Variants in AIG1 observed in about 807,000 individuals in gnomAD.
AIG1 encodes the protein androgen-induced gene 1 protein.
Under a neutral mutation model 31.4 loss-of-function variants are expected in AIG1, and 23 were observed. That is an observed-to-expected ratio of 0.73 (90% CI 0.53 to 1.04). AIG1 has a LOEUF of 1.04. Ranked by LOEUF, AIG1 falls within the 50% of genes least tolerant of loss-of-function variation. AIG1 has a pLI of 0.00. For synonymous variants in AIG1, 100 were observed against 110.5 expected, an observed-to-expected ratio of 0.90 and a Z score of 0.60; for missense variants, 274 against 295.0, an observed-to-expected ratio of 0.93 and a Z score of 0.52.
chr6:143,134,456 T>C (rs1430588456), intron 1 of AIG1, among the ~76,000 whole-genome samples: 1 of 151,668 alleles, frequency 6.6e-6, no homozygotes, highest in Non-Finnish European at 1.5e-5. Context: ...TATATTGGTT[T>C]AGATTTCCAT....
chr6:143,073,603 T>G (rs1777484097), intron 1 of AIG1, among the ~76,000 whole-genome samples: 1 of 152,166 alleles, frequency 6.6e-6, no homozygotes, highest in African/African-American at 2.4e-5. Context: ...TCATAGTGGT[T>G]TTGGTTTTCA....
intron 1 of AIG1, among the ~76,000 whole-genome samples, chr6:143,112,294 A>G (rs979332088): frequency 2.6e-5 from 4 of 152,124 alleles, no homozygotes; most frequent in African/African-American, 4.8e-5. Flanking sequence ...TTTCTTACTC[A>G]TTCTCCAAAA....
At chr6:143,289,176 T>A (rs1797887959) in intron 4 of AIG1, among the ~76,000 whole-genome samples, 1 of 152,164 alleles carries the variant, frequency 6.6e-6, no homozygotes, top group Non-Finnish European at 1.5e-5. Flanking sequence ...TCTCTACAAA[T>A]GCAAAGATCC....
chr6:143,150,736 GA>G (rs1244953395), intron 2 of AIG1, among the ~76,000 whole-genome samples: 12 of 152,072 alleles, frequency 7.9e-5, no homozygotes, highest in Admixed American at 3.9e-4. Context: ...GCTCATGGGG[GA>G]AAAAAATCAC....
intron 4 of AIG1, among the ~76,000 whole-genome samples, chr6:143,314,295 G>A (rs572399774): frequency 1.3e-5 from 2 of 151,548 alleles, no homozygotes; most frequent in East Asian, 3.9e-4. Flanking sequence ...GAGCCCAGGA[G>A]TTGAGCTATG....
At chr6:143,261,634 T>C (rs1225477567) in intron 3 of AIG1, among the ~76,000 whole-genome samples, 2 of 151,972 alleles carry the variant, frequency 1.3e-5, no homozygotes, top group African/African-American at 4.8e-5. Flanking sequence ...CTCTATGCAA[T>C]TTTTTTTAAT....
At chr6:143,160,504 T>G (rs1433108795) in intron 2 of AIG1, among the ~76,000 whole-genome samples, 1 of 152,212 alleles carries the variant, frequency 6.6e-6, no homozygotes, top group Non-Finnish European at 1.5e-5. Context: ...GTGACTGTGC[T>G]CCTTCCACTC....
chr6:143,218,624 C>T (rs140969442), intron 3 of AIG1, among the ~76,000 whole-genome samples: 3 of 152,228 alleles, frequency 2.0e-5, no homozygotes, highest in Admixed American at 2.0e-4. Context: ...GTATCCTCCA[C>T]CACAAAAACT....
At chr6:143,341,789 G>A (rs1031890629), downstream of AIG1, among the ~76,000 whole-genome samples, 1 of 152,188 alleles carries the variant, frequency 6.6e-6, no homozygotes, top group African/African-American at 2.4e-5. Flanking sequence ...GTGTACAAAC[G>A]ATGGATGAAT....
rs143185452 is a variant in AIG1, at chr6:143,340,897, T to C, written c.*1221T>C. 3.0e-3 allele frequency among the ~76,000 whole-genome samples: 456 copies of C among 152,084 alleles called. 4 individuals are homozygous for C. The highest frequency in any genetic ancestry group is 0.01 in the African/African-American group (423 of 41,484). On this transcript the variant is annotated 3_prime_UTR_variant, in exon 6 of 6. Coordinates refer to ENST00000357847, the MANE Select transcript of AIG1 (RefSeq NM_016108.4). The stretch of plus-strand genomic sequence containing the variant: ...ATTGATTGCCCAATGTTGAGAGAGA[T>C]CAACAAATGATATAAAACCATTCAC...
chr6:143,321,533 G>T (rs982307770), intron 4 of AIG1, among the ~76,000 whole-genome samples: 2 of 152,030 alleles, frequency 1.3e-5, no homozygotes, highest in Non-Finnish European at 2.9e-5. Context: ...GGGAGGCAAA[G>T]GTTGCAGTGA....
At chr6:143,178,980 A>T (rs148310967) in intron 3 of AIG1, among the ~76,000 whole-genome samples, 1 of 152,158 alleles carries the variant, frequency 6.6e-6, no homozygotes, top group African/African-American at 2.4e-5. Context: ...CATAGGGCCC[A>T]TATAGGAGCT....
At chr6:143,281,831 A>G (rs1797358683) in intron 3 of AIG1, among the ~76,000 whole-genome samples, 1 of 152,214 alleles carries the variant, frequency 6.6e-6, no homozygotes, top group Non-Finnish European at 1.5e-5. Context: ...AAGATTTGCC[A>G]CTGGACAAAC....
intron 3 of AIG1, among the ~76,000 whole-genome samples, chr6:143,171,604 A>G (rs954114300): frequency 7.5e-5 from 11 of 146,244 alleles, no homozygotes; most frequent in African/African-American, 2.3e-4. Context: ...GAAAGGTTCT[A>G]TATTTTTGAA....
chr6:143,239,134 C>T (rs948604612), intron 3 of AIG1, among the ~76,000 whole-genome samples: 14 of 152,146 alleles, frequency 9.2e-5, no homozygotes, highest in African/African-American at 3.4e-4. Flanking sequence ...GCACAGAGTA[C>T]AGTTGGAGCA....
intron 3 of AIG1, among the ~76,000 whole-genome samples, chr6:143,174,965 T>C (rs1788001680): frequency 6.6e-6 from 1 of 152,236 alleles, no homozygotes; most frequent in Non-Finnish European, 1.5e-5. Flanking sequence ...TATTTCAAGA[T>C]TTAGAGCTCC....
At chr6:143,187,434 A>G (rs767723249) in intron 3 of AIG1, 1 of 1,535,664 alleles carries the variant, frequency 6.5e-7, no homozygotes, top group South Asian at 1.2e-5. Context: ...ACAGAACTAC[A>G]GTATGATCAG....
chr6:143,127,422 T>C (rs905071167), intron 1 of AIG1, among the ~76,000 whole-genome samples: 2 of 152,212 alleles, frequency 1.3e-5, no homozygotes, highest in East Asian at 3.8e-4. Context: ...ATCTATGGTG[T>C]TCTTTACATT....
intron 3 of AIG1, among the ~76,000 whole-genome samples, chr6:143,214,906 T>C (rs1373358293): frequency 6.6e-6 from 1 of 152,206 alleles, no homozygotes; most frequent in African/African-American, 2.4e-5. Context: ...AGCATGCACC[T>C]CAAATTGTAA....
Sources: allele counts gnomAD v4.1 joint callset (sites outside exome capture counted in the v4.1 genomes callset), GRCh38; gene constraint gnomAD v4.1.1; transcripts MANE v1.5; gene names NCBI Gene and HGNC (gene_info 2026-07-23, HGNC 2026-07-21).